Variants in HS6ST3 observed in about 807,000 individuals in gnomAD.
HS6ST3 encodes the protein heparan sulfate 6-O-sulfotransferase 3, also known as heparan-sulfate 6-O-sulfotransferase 3.
HS6ST3 carries 12 observed loss-of-function variants against 36.7 expected under a neutral mutation model. The ratio of observed to expected loss-of-function variants is 0.33; its 90% CI spans 0.21 to 0.53. The LOEUF (loss-of-function observed/expected upper bound fraction) is 0.53, where lower values mean the gene tolerates loss of function less well. Among genes scored for constraint, HS6ST3 ranks in the 20% least tolerant of loss-of-function variants. The pLI, the probability that HS6ST3 is intolerant of heterozygous loss-of-function variation, is 0.95. For missense variants in HS6ST3, 584 were observed against 640.9 expected (o/e 0.91, Z 0.96); for synonymous variants, 240 against 257.5 (o/e 0.93, Z 0.65).
intron 1 of HS6ST3, among the ~76,000 whole-genome samples, chr13:96,591,714 C>T (rs1464773854): frequency 1.3e-5 from 2 of 152,054 alleles, no homozygotes; most frequent in Non-Finnish European, 2.9e-5. Context: ...ATTGCTCTAG[C>T]TAGGACTTCC....
chr13:96,207,587 A>T (rs548988923), intron 1 of HS6ST3, among the ~76,000 whole-genome samples: 11 of 152,318 alleles, frequency 7.2e-5, no homozygotes, highest in Admixed American at 3.9e-4. Context: ...CTAAATGCCC[A>T]TCAATAATAG....
At chr13:96,164,754 G>A (rs533051280) in intron 1 of HS6ST3, among the ~76,000 whole-genome samples, 1 of 152,242 alleles carries the variant, frequency 6.6e-6, no homozygotes, top group South Asian at 2.1e-4. Context: ...GATTAATTAA[G>A]GAAACTGAAA....
chr13:96,810,988 A>G (rs1295509388), intron 1 of HS6ST3, among the ~76,000 whole-genome samples: 2 of 152,112 alleles, frequency 1.3e-5, no homozygotes, highest in Non-Finnish European at 2.9e-5. Flanking sequence ...CCATCCAAAA[A>G]CAAATTCTCT....
At chr13:96,582,732 T>C (rs183920813) in intron 1 of HS6ST3, among the ~76,000 whole-genome samples, 1 of 152,312 alleles carries the variant, frequency 6.6e-6, no homozygotes, top group East Asian at 1.9e-4. Context: ...CTTTCATTTT[T>C]GAACTTGGGC....
At chr13:96,809,006 T>C (rs1878260801) in intron 1 of HS6ST3, among the ~76,000 whole-genome samples, 2 of 152,120 alleles carry the variant, frequency 1.3e-5, no homozygotes, top group South Asian at 2.1e-4. Flanking sequence ...GGCATTACCC[T>C]CCATCAAACC....
At chr13:96,396,086 G>T (rs1440659231) in intron 1 of HS6ST3, among the ~76,000 whole-genome samples, 2 of 152,114 alleles carry the variant, frequency 1.3e-5, no homozygotes, top group African/African-American at 4.8e-5. Flanking sequence ...GGCAGAGGTG[G>T]GCGGATCACT....
At chr13:96,530,110 A>T (rs1354516749) in intron 1 of HS6ST3, among the ~76,000 whole-genome samples, 6 of 152,168 alleles carry the variant, frequency 3.9e-5, no homozygotes, top group Non-Finnish European at 8.8e-5. Context: ...GACCAAAATC[A>T]TTGCTACTTA....
At chr13:96,376,708 C>T (rs76511330) in intron 1 of HS6ST3, among the ~76,000 whole-genome samples, 233 of 152,264 alleles carry the variant, frequency 1.5e-3, no homozygotes, top group African/African-American at 5.3e-3. Context: ...ATGCTAATCT[C>T]AAGAATTATT....
chr13:96,297,358 A>G (rs2054860263), intron 1 of HS6ST3, among the ~76,000 whole-genome samples: 2 of 151,672 alleles, frequency 1.3e-5, no homozygotes, highest in African/African-American at 2.4e-5. Flanking sequence ...ATTTTCACTT[A>G]TTTTCTTTCT....
intron 1 of HS6ST3, among the ~76,000 whole-genome samples, chr13:96,809,229 C>A (rs781115739): frequency 1.6e-4 from 25 of 152,062 alleles, no homozygotes; most frequent in Non-Finnish European, 3.4e-4. Context: ...GTAATAAAAT[C>A]TTTATTATAA....
chr13:96,788,161 A>G (rs977381937), intron 1 of HS6ST3, among the ~76,000 whole-genome samples: 2 of 151,942 alleles, frequency 1.3e-5, no homozygotes, highest in East Asian at 3.9e-4. Context: ...AGTAAGCCTT[A>G]AAATCAGATA....
intron 1 of HS6ST3, among the ~76,000 whole-genome samples, chr13:96,592,944 A>G (rs925698149): frequency 6.6e-6 from 1 of 151,864 alleles, no homozygotes; most frequent in Non-Finnish European, 1.5e-5. Context: ...CTGGTGTTCT[A>G]TAATCTTCTT....
chr13:96,788,438 A>G (rs1431584625), intron 1 of HS6ST3, among the ~76,000 whole-genome samples: 2 of 151,974 alleles, frequency 1.3e-5, no homozygotes, highest in East Asian at 1.9e-4. Flanking sequence ...ATGGTCATCT[A>G]TCTATGAACA....
chr13:96,754,626 CTAGGT>C (rs1470304480), intron 1 of HS6ST3, among the ~76,000 whole-genome samples: 1 of 152,146 alleles, frequency 6.6e-6, no homozygotes, highest in African/African-American at 2.4e-5. Flanking sequence ...GTCTATAGCT[CTAGGT>C]TGAGAGTTTT....
intron 1 of HS6ST3, among the ~76,000 whole-genome samples, chr13:96,541,533 C>T (rs1465853397): frequency 6.6e-6 from 1 of 152,026 alleles, no homozygotes; most frequent in African/African-American, 2.4e-5. Context: ...CATAAGGAGA[C>T]CTGAGAGTTA....
At chr13:96,743,480 C>G (rs966855274) in intron 1 of HS6ST3, among the ~76,000 whole-genome samples, 1 of 152,064 alleles carries the variant, frequency 6.6e-6, no homozygotes, top group Non-Finnish European at 1.5e-5. Flanking sequence ...GGTCATTAAG[C>G]TTCCTCTATT....
At chr13:96,722,225 A>G (rs1032953054) in intron 1 of HS6ST3, among the ~76,000 whole-genome samples, 8 of 152,192 alleles carry the variant, frequency 5.3e-5, no homozygotes, top group Admixed American at 1.3e-4. Context: ...ACATTGTGCC[A>G]CTGCACTCCA....
chr13:96,191,468 T>G (rs568260901), intron 1 of HS6ST3, among the ~76,000 whole-genome samples: 1 of 152,292 alleles, frequency 6.6e-6, no homozygotes, highest in South Asian at 2.1e-4. Context: ...GTGCATTCTG[T>G]TTCTTCTCCA....
intron 1 of HS6ST3, among the ~76,000 whole-genome samples, chr13:96,716,893 C>T (rs1875710700): frequency 6.6e-6 from 1 of 152,066 alleles, no homozygotes; most frequent in African/African-American, 2.4e-5. Context: ...GGTAAGTGGG[C>T]CAAGTGTAAG....
Sources: allele counts gnomAD v4.1 joint callset (sites outside exome capture counted in the v4.1 genomes callset), GRCh38; gene constraint gnomAD v4.1.1; transcripts MANE v1.5; gene names NCBI Gene and HGNC (gene_info 2026-07-23, HGNC 2026-07-21).